REXO5: variants seen among roughly 807,000 people sequenced by gnomAD.
REXO5 encodes the protein RNA exonuclease 5, also known as exonuclease NEF-sp.
Under a neutral mutation model 88.5 loss-of-function variants are expected in REXO5, and 48 were observed. The ratio of observed to expected loss-of-function variants is 0.54; its 90% CI spans 0.43 to 0.69. The LOEUF is 0.69. REXO5 is among the 30% of genes least tolerant of loss of function. The pLI is 0.00. For synonymous variants in REXO5, 311 were observed against 336.5 expected (o/e 0.92, Z 0.83); for missense variants, 749 against 912.2 (o/e 0.82, Z 2.30).
At chr16:20,828,797 C>T (rs989741548) in intron 11 of REXO5, among the ~76,000 whole-genome samples, 5 of 151,864 alleles carry the variant, frequency 3.3e-5, no homozygotes, top group African/African-American at 9.7e-5. Flanking sequence ...TGTGGTGGCG[C>T]GTGCCTGTAG....
intron 17 of REXO5, 57 bp from the exon 18 acceptor site, chr16:20,844,997 G>A (rs1478480851): frequency 4.4e-6 from 7 of 1,586,752 alleles, no homozygotes; most frequent in East Asian, 2.2e-5. Flanking sequence ...AGGCAGCTTG[G>A]ATGGTGATCA....
At chr16:20,807,919 ACCCACTGT>A (rs1427348594) in intron 2 of REXO5, among the ~76,000 whole-genome samples, 1 of 152,078 alleles carries the variant, frequency 6.6e-6, no homozygotes, top group Non-Finnish European at 1.5e-5. Context: ...GGGGTCCCCA[ACCCACTGT>A]CCACAGCTGG....
chr16:20,813,204 T>G lies in REXO5; in HGVS notation c.153T>G (p.Ser51=). ...SQPEAKKARL[S]TILFTDNCEV... Reference sequence around the variant, plus strand: ...AATCTTTGCAGAAAGCCCGCTTATCTACCATTTTATTTACTGACAACTGTG... The same window carrying G: ...AATCTTTGCAGAAAGCCCGCTTATCGACCATTTTATTTACTGACAACTGTG... The change falls in exon 3 of 20, where the codon TCT becomes TCG. Residue 51 remains serine (S), a synonymous_variant. Coordinates refer to ENST00000261377, the MANE Select transcript of REXO5 (RefSeq NM_030941.3). 1 of 1,613,286 alleles carries G rather than the reference T, an allele frequency of 6.2e-7. No individual in the cohort carries two copies. Among genetic ancestry groups the G allele is most frequent in the Non-Finnish European group, 8.5e-7 (1 of 1,179,214 alleles).
chr16:20,807,280 C>A, intron 2 of REXO5, 189 bp downstream of exon 2: 1 of 691,698 alleles, frequency 1.4e-6, no homozygotes, highest in Non-Finnish European at 2.4e-6. Flanking sequence ...CATTGGCTGT[C>A]ACTGGGATAG....
At chr16:20,827,295 C>T (rs2081274245) in intron 9 of REXO5, 58 bp from the exon 10 acceptor site, 7 of 1,599,758 alleles carry the variant, frequency 4.4e-6, no homozygotes, top group Non-Finnish European at 6.0e-6. Flanking sequence ...CCCTGCTAGC[C>T]CACTTGTTTT....
intron 13 of REXO5, among the ~76,000 whole-genome samples, chr16:20,837,861 G>T (rs777463768): frequency 2.1e-4 from 32 of 152,288 alleles, no homozygotes; most frequent in Non-Finnish European, 4.0e-4. Flanking sequence ...TGACCTCCGG[G>T]CTCAAGCGAT....
intron 15 of REXO5, among the ~76,000 whole-genome samples, chr16:20,842,241 C>A (rs2081538975): frequency 6.7e-6 from 1 of 149,094 alleles, no homozygotes; most frequent in African/African-American, 2.5e-5. Flanking sequence ...TACTTTCTGT[C>A]TTTATGAATT....
intron 3 of REXO5, 39 bp downstream of exon 3, chr16:20,813,341 T>A (rs1295445213): frequency 9.9e-7 from 1 of 1,009,614 alleles, no homozygotes; most frequent in East Asian, 2.7e-5. Context: ...TGACCAGCGG[T>A]TTCTTTTTTT....
intron 2 of REXO5, among the ~76,000 whole-genome samples, chr16:20,812,285 G>A (rs1172657177): frequency 3.3e-5 from 5 of 152,156 alleles, no homozygotes; most frequent in African/African-American, 9.7e-5. Context: ...ACTTTGGGAG[G>A]CTGAGGAGAG....
At chr16:20,819,392 C>T (rs961195187) in intron 5 of REXO5, among the ~76,000 whole-genome samples, 1 of 150,732 alleles carries the variant, frequency 6.6e-6, no homozygotes, top group African/African-American at 2.4e-5. Flanking sequence ...TCTTTCCTTT[C>T]CTTTCCTTTC....
chr16:20,821,998 T>C lies in REXO5; in HGVS notation c.616+96T>C, dbSNP rs2081192908. 7 of 1,253,602 alleles carry C rather than the reference T, an allele frequency of 5.6e-6. No homozygotes were observed. In the Admixed American group the frequency reaches 1.7e-4, roughly 30 times the overall value. 77.7% of individuals were successfully genotyped at this position (1,253,602 alleles called of 1,614,324 possible). On this transcript the variant is annotated intron_variant, in intron 6 of 19. Coordinates refer to ENST00000261377, the MANE Select transcript of REXO5 (RefSeq NM_030941.3). ...TTGAGATTCATTTATCTGGCTGTTT[T>C]CTGAGTGGCTTATTCTTATTTCATC...
intron 5 of REXO5, among the ~76,000 whole-genome samples, chr16:20,820,512 T>TTTTA (rs1249378107): frequency 2.2e-5 from 1 of 45,700 alleles, no homozygotes; most frequent in African/African-American, 9.9e-5. Flanking sequence ...TTCTCTCTCT[T>TTTTA]TATATATATA....
intron 19 of REXO5, 80 bp from the exon 20 acceptor site, chr16:20,849,319 T>C: frequency 7.4e-7 from 1 of 1,347,324 alleles, no homozygotes. Flanking sequence ...CTTGGAAAAA[T>C]ATCTCCTCTA....
chr16:20,831,045 A>G (rs1277210401), intron 11 of REXO5, among the ~76,000 whole-genome samples: 2 of 119,972 alleles, frequency 1.7e-5, no homozygotes, highest in African/African-American at 6.7e-5. Flanking sequence ...CCTAAGCTGG[A>G]CTGGAACTCC....
At chr16:20,814,862 CT>C (rs1452322597) in intron 3 of REXO5, 64 bp from the exon 4 acceptor site, 1 of 1,483,500 alleles carries the variant, frequency 6.7e-7, no homozygotes, top group African/African-American at 1.4e-5. Context: ...CCTATTTCCC[CT>C]CTATATGACT....
chr16:20,827,504 G>A (rs908600972), intron 10 of REXO5, 57 bp downstream of exon 10: 27 of 1,296,696 alleles, frequency 2.1e-5, no homozygotes, highest in Non-Finnish European at 1.2e-5. Flanking sequence ...AAGTTAGCAT[G>A]TAGTATCTAA....
At chr16:20,844,982 T>C in intron 17 of REXO5, 72 bp from the exon 18 acceptor site, 1 of 1,573,708 alleles carries the variant, frequency 6.4e-7, no homozygotes, top group Non-Finnish European at 8.7e-7. Context: ...CCTTTGACCC[T>C]GGCCAGGCAG....
intron 5 of REXO5, among the ~76,000 whole-genome samples, chr16:20,818,420 T>A (rs1044009238): frequency 2.0e-5 from 3 of 152,178 alleles, no homozygotes; most frequent in Non-Finnish European, 4.4e-5. Context: ...TTCATGTATG[T>A]TTTATATATC....
rs1429628488 is a variant in REXO5, at chr16:20,806,673, C to T, written c.-35C>T. ...CTTCCTTCTTTGCCAGGCAGACGCC[C>T]GTTGTAGCCGTTGGGGAACCGTTGA... On this transcript the variant is annotated 5_prime_UTR_variant, in exon 1 of 20. Transcript: ENST00000261377. The T allele has an allele frequency of 3.7e-6, 4 of 1,074,580 alleles. No individual in the cohort carries two copies. Among genetic ancestry groups the T allele is most frequent in the South Asian group, 1.7e-5 (1 of 59,266 alleles). 66.6% of individuals were successfully genotyped at this position (1,074,580 alleles called of 1,614,324 possible). A position where few individuals can be genotyped will look rare whatever the true frequency, so the allele number is the denominator to read the frequency against.
Sources: gnomAD v4.1 joint callset for allele counts (sites outside exome capture counted in the v4.1 genomes callset) on GRCh38, gnomAD v4.1.1 for gene constraint, MANE v1.5 for transcripts, NCBI Gene and HGNC (gene_info 2026-07-23, HGNC 2026-07-21) for gene names.